The following LRP1B variants were observed in gnomAD, a reference collection of about 807,000 sequenced individuals.
LRP1B encodes the protein LDL receptor related protein 1B, also known as low-density lipoprotein receptor-related protein 1B.
Under a neutral mutation model 556.6 loss-of-function variants are expected in LRP1B, and 217 were observed. The observed-to-expected ratio is 0.39, with a 90% confidence interval of 0.35 to 0.44. The LOEUF (loss-of-function observed/expected upper bound fraction) is 0.44, where lower values mean the gene tolerates loss of function less well. Among genes scored for constraint, LRP1B ranks in the 20% least tolerant of loss-of-function variants. The pLI is 1.00. For synonymous variants in LRP1B, 2,047 were observed against 1,865.8 expected (o/e 1.10, Z -2.50); for missense variants, 5,053 against 5,620.8 (o/e 0.90, Z 3.23).
chr2:141,991,894 G>A (rs1181865416), intron 1 of LRP1B, among the ~76,000 whole-genome samples: 1 of 151,948 alleles, frequency 6.6e-6, no homozygotes, highest in Non-Finnish European at 1.5e-5. Flanking sequence ...ACTCCCTATT[G>A]CACATGCAAT....
At chr2:141,515,765 T>C (rs1684292344) in intron 2 of LRP1B, among the ~76,000 whole-genome samples, 1 of 152,230 alleles carries the variant, frequency 6.6e-6, no homozygotes, top group African/African-American at 2.4e-5. Flanking sequence ...AGTTTGACAT[T>C]TATAAGAATA....
At chr2:140,709,680 A>G (rs1686965410) in intron 37 of LRP1B, among the ~76,000 whole-genome samples, 1 of 152,108 alleles carries the variant, frequency 6.6e-6, no homozygotes, top group South Asian at 2.1e-4. Flanking sequence ...GAATTCAGCT[A>G]ATTCACTCCA....
At chr2:141,737,727 T>A (rs1693541245) in intron 2 of LRP1B, among the ~76,000 whole-genome samples, 2 of 152,262 alleles carry the variant, frequency 1.3e-5, no homozygotes, top group Admixed American at 1.3e-4. Flanking sequence ...TTGTAAATCA[T>A]GTTAGGTAGA....
intron 2 of LRP1B, among the ~76,000 whole-genome samples, chr2:141,607,826 G>A (rs1687972200): frequency 6.6e-6 from 1 of 152,194 alleles, no homozygotes; most frequent in Non-Finnish European, 1.5e-5. Flanking sequence ...AGGAGGCTGA[G>A]GAGGGGGGAT....
intron 1 of LRP1B, among the ~76,000 whole-genome samples, chr2:142,110,472 C>T (rs1706935998): frequency 6.6e-6 from 1 of 152,050 alleles, no homozygotes; most frequent in African/African-American, 2.4e-5. Context: ...AGAGAGCAGT[C>T]ATGATTTGAG....
At chr2:141,194,937 T>G (rs1277389302) in intron 6 of LRP1B, among the ~76,000 whole-genome samples, 1 of 152,118 alleles carries the variant, frequency 6.6e-6, no homozygotes, top group Non-Finnish European at 1.5e-5. Context: ...GTGCATGTAC[T>G]AGAGAATATT....
chr2:141,412,207 T>C (rs978120655), intron 3 of LRP1B, among the ~76,000 whole-genome samples: 1 of 152,182 alleles, frequency 6.6e-6, no homozygotes, highest in Non-Finnish European at 1.5e-5. Context: ...TTATGACTTT[T>C]AATTCCAGGG....
chr2:141,000,620 G>A (rs72991775), intron 15 of LRP1B, among the ~76,000 whole-genome samples: 6,836 of 152,044 alleles, frequency 0.045, 182 homozygotes, highest in Middle Eastern at 0.065. Flanking sequence ...CACTGTGGGC[G>A]AAAGGAGCAA....
intron 1 of LRP1B, among the ~76,000 whole-genome samples, chr2:141,861,305 C>G (rs1698231735): frequency 6.6e-6 from 1 of 152,150 alleles, no homozygotes; most frequent in Non-Finnish European, 1.5e-5. Context: ...AGGACTCTGT[C>G]TGGAAATCTA....
chr2:141,146,983 A>C (rs1214283632), intron 7 of LRP1B, among the ~76,000 whole-genome samples: 1 of 152,202 alleles, frequency 6.6e-6, no homozygotes, highest in Non-Finnish European at 1.5e-5. Flanking sequence ...TGGATTACAC[A>C]CCTGAGCATC....
intron 2 of LRP1B, among the ~76,000 whole-genome samples, chr2:141,488,837 T>C (rs1248810006): frequency 6.6e-6 from 1 of 152,118 alleles, no homozygotes; most frequent in Non-Finnish European, 1.5e-5. Context: ...TTGTAACAAG[T>C]GCCTTAAAAA....
intron 1 of LRP1B, among the ~76,000 whole-genome samples, chr2:141,893,651 C>A (rs1699356085): frequency 6.6e-6 from 1 of 152,092 alleles, no homozygotes; most frequent in Admixed American, 6.6e-5. Context: ...GCAGGTAAGC[C>A]ATGGAGTATT....
chr2:140,290,808 GTC>G lies in LRP1B; in HGVS notation c.12967+6998_12967+6999del, dbSNP rs1683340403. 2.6e-5 allele frequency among the ~76,000 whole-genome samples: 4 copies of G among 152,126 alleles called. No individual in the cohort carries two copies. The South Asian group carries it at 8.3e-4, about 31-fold the overall frequency. On this transcript the variant is annotated intron_variant, in intron 84 of 90. Coordinates refer to ENST00000389484, the MANE Select transcript of LRP1B (RefSeq NM_018557.3). ...ATTTGAGCTTTGAGTGTTCTAGTGA[GTC>G]TCTAAAAGTCGCAGCATGGTGGGCA...
intron 1 of LRP1B, among the ~76,000 whole-genome samples, chr2:142,009,894 C>T (rs958905044): frequency 6.6e-6 from 1 of 151,622 alleles, no homozygotes. Context: ...CATATATGTA[C>T]ATTATATACA....
intron 1 of LRP1B, among the ~76,000 whole-genome samples, chr2:142,118,617 A>T (rs939602933): frequency 2.0e-5 from 3 of 152,170 alleles, no homozygotes; most frequent in Admixed American, 1.3e-4. Context: ...TATGAAAGAA[A>T]AAAGCCCTTC....
In LRP1B at chr2:140,526,345, T is replaced by C. The variant is rs1238156908; in HGVS notation, c.7768A>G (p.Thr2590Ala). The change falls in exon 48 of 91, where the codon ACC becomes GCC. Residue 2590 changes from threonine to alanine, a missense_variant. Thr to Ala is a moderately conservative substitution (Grantham distance 58). Coordinates refer to ENST00000389484, the MANE Select transcript of LRP1B (RefSeq NM_018557.3). The part of the protein sequence containing the change: ...NSDELDCKVS[T>A]CATVEFRCAD... ...CAGCGGAACTCAACCGTGGCACAGGTTGAAACTAGAAAAACAGGTACATAA... is the reference window on the plus strand; with the variant it reads ...CAGCGGAACTCAACCGTGGCACAGGCTGAAACTAGAAAAACAGGTACATAA... 6.2e-7 allele frequency: 1 copy of C among 1,606,846 alleles called. No homozygotes were observed. Among genetic ancestry groups the C allele is most frequent in the East Asian group, 2.2e-5 (1 of 44,810 alleles).
intron 6 of LRP1B, among the ~76,000 whole-genome samples, chr2:141,222,738 G>A (rs1288531127): frequency 6.6e-6 from 1 of 152,040 alleles, no homozygotes; most frequent in Non-Finnish European, 1.5e-5. Context: ...TTGAACATAT[G>A]CAAATCAATG....
intron 4 of LRP1B, among the ~76,000 whole-genome samples, chr2:141,248,657 G>A (rs1684154956): frequency 6.6e-6 from 1 of 152,126 alleles, no homozygotes; most frequent in South Asian, 2.1e-4. Context: ...TACTTTGGGA[G>A]CCAGATAATG....
chr2:141,780,476 T>G (rs1353759906), intron 2 of LRP1B, among the ~76,000 whole-genome samples: 1 of 152,206 alleles, frequency 6.6e-6, no homozygotes, highest in Non-Finnish European at 1.5e-5. Context: ...AGTGATGTCC[T>G]GATAAATGCT....
Sources: allele counts gnomAD v4.1 joint callset (sites outside exome capture counted in the v4.1 genomes callset), GRCh38; gene constraint gnomAD v4.1.1; transcripts MANE v1.5; gene names NCBI Gene and HGNC (gene_info 2026-07-23, HGNC 2026-07-21).